The following FANCA variants were observed in gnomAD, a reference collection of about 807,000 sequenced individuals.
FANCA encodes Fanconi anemia group A protein.
In FANCA, 236 loss-of-function variants were observed where a neutral mutation model predicts 194.3. The ratio of observed to expected loss-of-function variants is 1.21; its 90% CI spans 1.09 to 1.35. The LOEUF is 1.35. FANCA is among the 40% of genes most tolerant of loss of function. The pLI, the probability that FANCA is intolerant of heterozygous loss-of-function variation, is 0.00. For synonymous variants in FANCA, 1,014 were observed against 715.8 expected (o/e 1.42, Z -6.65); for missense variants, 2,628 against 1,813.9 (o/e 1.45, Z -8.15).
intron 8 of FANCA, among the ~76,000 whole-genome samples, chr16:89,801,686 G>A (rs1175555008): frequency 1.3e-5 from 2 of 151,994 alleles, no homozygotes; most frequent in Non-Finnish European, 2.9e-5. Context: ...TCAAGAGATC[G>A]AGACCATCCT....
At chr16:89,790,295 G>A (rs1177737221) in intron 14 of FANCA, among the ~76,000 whole-genome samples, 19 of 152,038 alleles carry the variant, frequency 1.2e-4, no homozygotes, top group Admixed American at 1.2e-3. Context: ...TCGGGAGGCG[G>A]AGGCAGGAGA....
chr16:89,789,030 C>A (rs1201036765), intron 14 of FANCA, among the ~76,000 whole-genome samples: 1 of 151,892 alleles, frequency 6.6e-6, no homozygotes, highest in East Asian at 1.9e-4. Flanking sequence ...AGCCGCGGCT[C>A]GGGGAGACCC....
chr16:89,799,301 A>C, intron 9 of FANCA, 69 bp from the exon 10 acceptor site: 1 of 1,581,782 alleles, frequency 6.3e-7, no homozygotes, highest in Non-Finnish European at 8.6e-7. Context: ...AACAATCCCC[A>C]GGCGCTTTCA....
At chr16:89,748,435 T>C (rs2038465271) in intron 33 of FANCA, among the ~76,000 whole-genome samples, 1 of 152,228 alleles carries the variant, frequency 6.6e-6, no homozygotes, top group Admixed American at 6.5e-5. Context: ...GAACTCAAAC[T>C]TGGGAGAAGG....
chr16:89,769,510 C>T (rs1380629458), intron 26 of FANCA, among the ~76,000 whole-genome samples: 2 of 152,184 alleles, frequency 1.3e-5, no homozygotes, highest in Non-Finnish European at 2.9e-5. Flanking sequence ...GCTGGTCCAA[C>T]CAAGGGCCAG....
intron 2 of FANCA, among the ~76,000 whole-genome samples, chr16:89,815,335 C>CTTTTTTTTTT: frequency 1.5e-5 from 1 of 66,498 alleles, no homozygotes; most frequent in Non-Finnish European, 2.9e-5. Context: ...CCACGCCCGG[C>CTTTTTTTTTT]TTTTTTTTTT....
intron 21 of FANCA, among the ~76,000 whole-genome samples, chr16:89,773,774 T>C (rs1176148500): frequency 8.6e-6 from 1 of 115,658 alleles, no homozygotes; most frequent in Non-Finnish European, 1.9e-5. Context: ...TTCCTCAAAC[T>C]TTTTTTTTTT....
intron 11 of FANCA, 126 bp from the exon 12 acceptor site, chr16:89,792,673 G>C (rs1245106489): frequency 5.3e-6 from 4 of 757,932 alleles, no homozygotes; most frequent in Admixed American, 2.0e-5. Context: ...AGTGTAGAAA[G>C]AAAGATACAA....
At chr16:89,775,381 A>G (rs1235171192) in intron 21 of FANCA, among the ~76,000 whole-genome samples, 1 of 152,206 alleles carries the variant, frequency 6.6e-6, no homozygotes, top group East Asian at 1.9e-4. Context: ...ACTCCCTACG[A>G]CAGGCTCGAG....
chr16:89,814,916 A>C (rs1182402802), intron 2 of FANCA, among the ~76,000 whole-genome samples: 2 of 152,176 alleles, frequency 1.3e-5, no homozygotes, highest in African/African-American at 2.4e-5. Flanking sequence ...ATACCAGCCC[A>C]GGCTACAGTG....
At chr16:89,747,254 A>G (rs2038423360) in intron 33 of FANCA, among the ~76,000 whole-genome samples, 1 of 152,206 alleles carries the variant, frequency 6.6e-6, no homozygotes, top group Admixed American at 6.5e-5. Context: ...TCCCTTCACT[A>G]ACCAAGTGCT....
At position 89,784,841 on chromosome 16, in the gene FANCA, G is replaced by A. The variant is rs1339712402; in HGVS notation, c.1470+13C>T. On this transcript the variant is annotated intron_variant, in intron 15 of 42. Coordinates refer to ENST00000389301, the MANE Select transcript of FANCA (RefSeq NM_000135.4). ...AGCACCAGAAATCATGGATGTGGCA[G>A]CCAGCTTCTCACCTGCAGGTACCGG... The A allele has an allele frequency of 1.9e-6, 3 of 1,594,786 alleles. No individual in the cohort carries two copies. The highest frequency in any genetic ancestry group is 1.1e-5 in the South Asian group (1 of 90,720).
intron 30 of FANCA, among the ~76,000 whole-genome samples, chr16:89,753,690 C>A (rs900519369): frequency 1.3e-5 from 2 of 152,116 alleles, no homozygotes; most frequent in African/African-American, 4.8e-5. Context: ...AGACTGAAAG[C>A]TGTTCTCCTA....
intron 6 of FANCA, 35 bp downstream of exon 6, chr16:89,808,259 A>G: frequency 1.9e-6 from 3 of 1,602,116 alleles, no homozygotes; most frequent in East Asian, 2.2e-5. Flanking sequence ...CTAGACTGCA[A>G]AAACAGTAAC....
intron 17 of FANCA, among the ~76,000 whole-genome samples, chr16:89,782,510 CAA>C (rs750202032): frequency 2.0e-4 from 24 of 122,432 alleles, no homozygotes; most frequent in Admixed American, 1.7e-4. Context: ...ACTGCATCTC[CAA>C]AAAAAAAAAA....
At chr16:89,744,792 G>A in intron 36 of FANCA, 167 bp downstream of exon 36, 1 of 697,138 alleles carries the variant, frequency 1.4e-6, no homozygotes, top group Non-Finnish European at 2.6e-6. Context: ...CAGTAGTTGG[G>A]ATTACAGGCG....
At chr16:89,748,595 A>G in intron 33 of FANCA, 64 bp downstream of exon 33, 1 of 1,264,366 alleles carries the variant, frequency 7.9e-7, no homozygotes, top group Non-Finnish European at 1.2e-6. Context: ...GGAGGCTGCA[A>G]GAGCTGCTGT....
chr16:89,812,666 A>AAAAAAAAC lies in FANCA; in HGVS notation c.284-1596_284-1595insGTTTTTTT, dbSNP rs1256354674. On this transcript the variant is annotated intron_variant, in intron 3 of 42. Transcript: ENST00000389301. The stretch of plus-strand genomic sequence containing the variant: ...CGTCTCAAAAAAAAAAAAAAAAAAA[A>AAAAAAAAC]AAAACTGTTAACTGCAGTACGAACC... Among the ~76,000 whole-genome samples the AAAAAAAAC allele has an allele frequency of 2.4e-3, 353 of 147,722 alleles. 6 individuals carry two copies. The highest frequency in any genetic ancestry group is 0.019 in the South Asian group (82 of 4,330).
At position 89,738,716 on chromosome 16, in the gene FANCA, A is replaced by C. The variant is rs372268907; in HGVS notation, c.4261-8T>G. 8.8e-5 allele frequency: 142 copies of C among 1,613,746 alleles called. No individual in the cohort carries two copies. In the African/African-American group the frequency reaches 1.7e-3, roughly 19 times the overall value. On this transcript the variant is annotated splice_polypyrimidine_tract_variant and splice_region_variant and intron_variant, in intron 42 of 42. Coordinates refer to ENST00000389301, the MANE Select transcript of FANCA (RefSeq NM_000135.4). Reference sequence around the variant, plus strand: ...CCCACGATCAGCCAGCAGCTGTGAGAGAGGAGCAGGTCCTCAGCCCATGCC... The same window carrying C: ...CCCACGATCAGCCAGCAGCTGTGAGCGAGGAGCAGGTCCTCAGCCCATGCC...
Sources: gnomAD v4.1 joint callset for allele counts (sites outside exome capture counted in the v4.1 genomes callset) on GRCh38, gnomAD v4.1.1 for gene constraint, MANE v1.5 for transcripts, NCBI Gene and HGNC (gene_info 2026-07-23, HGNC 2026-07-21) for gene names.